Variants in ALG5 observed in about 807,000 individuals in gnomAD.
The protein encoded by ALG5 is ALG5 dolichyl-phosphate beta-glucosyltransferase, also known as dolichyl-phosphate beta-glucosyltransferase.
In ALG5, 26 loss-of-function variants were observed where a neutral mutation model predicts 51.8. The ratio of observed to expected loss-of-function variants is 0.50; its 90% CI spans 0.37 to 0.70. ALG5 has a LOEUF of 0.70. Among genes scored for constraint, ALG5 ranks in the 30% least tolerant of loss-of-function variants. The pLI, the probability that ALG5 is intolerant of heterozygous loss-of-function variation, is 0.00. For synonymous variants in ALG5, 141 were observed against 136.1 expected, an observed-to-expected ratio of 1.04 and a Z score of -0.25; for missense variants, 311 against 399.3, an observed-to-expected ratio of 0.78 and a Z score of 1.88.
chr13:36,994,251 A>T (rs2059038846), intron 3 of ALG5, among the ~76,000 whole-genome samples: 1 of 152,220 alleles, frequency 6.6e-6, no homozygotes, highest in Non-Finnish European at 1.5e-5. Flanking sequence ...AAGGTAATAC[A>T]GCCCTTTCTC....
At chr13:36,975,118 G>GTTATT (rs2058944349) in intron 6 of ALG5, among the ~76,000 whole-genome samples, 1 of 152,166 alleles carries the variant, frequency 6.6e-6, no homozygotes, top group Non-Finnish European at 1.5e-5. Context: ...GGTTGCGGCA[G>GTTATT]GAGAATTGCT....
intron 6 of ALG5, among the ~76,000 whole-genome samples, chr13:36,983,746 T>C (rs1017603634): frequency 1.1e-4 from 16 of 151,916 alleles, no homozygotes; most frequent in Non-Finnish European, 2.4e-4. Flanking sequence ...TTATATTAGT[T>C]GATTCACTTA....
chr13:36,963,553 G>A (rs979004021), intron 8 of ALG5, among the ~76,000 whole-genome samples: 5 of 152,018 alleles, frequency 3.3e-5, no homozygotes, highest in Admixed American at 6.6e-5. Flanking sequence ...TTCTAGAGTC[G>A]TTTCTTAAAT....
Position 36,949,745 on chromosome 13 carries a change from TTAAA to T in ALG5, c.*193_*196del, listed in dbSNP as rs2058810333. ...AACAAACAAAAGAAAATCTGACTTT[TTAAA>T]TAAACATCTTTTAAAAATCATTTAT... On this transcript the variant is annotated 3_prime_UTR_variant, in exon 10 of 10. Transcript: ENST00000239891. 4.7e-6 allele frequency: 2 copies of T among 422,780 alleles called. No homozygotes were observed. The highest frequency in any genetic ancestry group is 8.3e-6 in the Non-Finnish European group (2 of 241,102). The allele number at this position is 422,780 out of a possible 1,614,324, so 26.2% of individuals were successfully genotyped here.
At chr13:36,964,632 G>A (rs375716453) in intron 8 of ALG5, among the ~76,000 whole-genome samples, 7 of 152,124 alleles carry the variant, frequency 4.6e-5, no homozygotes, top group African/African-American at 1.7e-4. Context: ...TGACATAGAG[G>A]TGGCTAGATG....
At chr13:36,958,549 GA>G (rs1180003881) in intron 8 of ALG5, among the ~76,000 whole-genome samples, 6 of 152,132 alleles carry the variant, frequency 3.9e-5, no homozygotes, top group Non-Finnish European at 5.9e-5. Context: ...CCCTCCAGAG[GA>G]AATCTCAACT....
intron 6 of ALG5, among the ~76,000 whole-genome samples, chr13:36,984,057 T>C (rs1270716959): frequency 6.6e-6 from 1 of 152,016 alleles, no homozygotes; most frequent in African/African-American, 2.4e-5. Flanking sequence ...TAGTTTTACA[T>C]ATTCATCTTA....
intron 5 of ALG5, 38 bp downstream of exon 5, chr13:36,989,446 T>G: frequency 6.7e-7 from 1 of 1,500,700 alleles, no homozygotes; most frequent in South Asian, 1.2e-5. Context: ...TCAAGATACC[T>G]TCATATTTTA....
At chr13:36,991,161 T>C (rs957337190) in intron 4 of ALG5, among the ~76,000 whole-genome samples, 1 of 152,134 alleles carries the variant, frequency 6.6e-6, no homozygotes, top group Non-Finnish European at 1.5e-5. Context: ...TTCCAGACCA[T>C]ACCACGGTCT....
chr13:36,975,698 A>T (rs978687459), intron 6 of ALG5, among the ~76,000 whole-genome samples: 2 of 152,224 alleles, frequency 1.3e-5, no homozygotes, highest in African/African-American at 4.8e-5. Context: ...TAGAATACTA[A>T]GTTAAAAGTC....
intron 6 of ALG5, among the ~76,000 whole-genome samples, chr13:36,972,986 C>G (rs576353788): frequency 1.5e-5 from 1 of 66,896 alleles, no homozygotes; most frequent in South Asian, 8.8e-4. Flanking sequence ...AGCAAGACTC[C>G]GTCTCAAAAA....
Position 36,974,070 on chromosome 13 carries a change from C to T in ALG5, c.562-2034G>A, listed in dbSNP as rs566094364. Among the ~76,000 whole-genome samples, 7 of 152,224 alleles carry T rather than the reference C, an allele frequency of 4.6e-5. No homozygotes were observed. The South Asian group carries it at 6.2e-4, about 14-fold the overall frequency. On this transcript the variant is annotated intron_variant, in intron 6 of 9. Coordinates refer to ENST00000239891, the MANE Select transcript of ALG5 (RefSeq NM_013338.5). Reference sequence around the variant, plus strand: ...GAAGTAGCAAACCTGCATCTCCATCCGAAGGGACTGGCTATGAAGATGTGA... The same window carrying T: ...GAAGTAGCAAACCTGCATCTCCATCTGAAGGGACTGGCTATGAAGATGTGA...
chr13:36,964,871 G>A (rs993752622), intron 8 of ALG5, among the ~76,000 whole-genome samples: 5 of 150,156 alleles, frequency 3.3e-5, no homozygotes, highest in Admixed American at 2.0e-4. Flanking sequence ...GTTGCAGTGA[G>A]CTGAAATCCT....
chr13:36,992,591 G>A (rs1004777175), intron 4 of ALG5, among the ~76,000 whole-genome samples: 3 of 152,048 alleles, frequency 2.0e-5, no homozygotes, highest in African/African-American at 4.8e-5. Flanking sequence ...GCTGTCACTC[G>A]GCCACCATTT....
At chr13:36,989,437 C>A in intron 5 of ALG5, 47 bp downstream of exon 5, 1 of 1,445,054 alleles carries the variant, frequency 6.9e-7, no homozygotes, top group Non-Finnish European at 9.7e-7. Flanking sequence ...AGACATTATT[C>A]AAGATACCTT....
At chr13:36,957,646 C>A (rs1190699267) in intron 8 of ALG5, among the ~76,000 whole-genome samples, 1 of 152,130 alleles carries the variant, frequency 6.6e-6, no homozygotes, top group Non-Finnish European at 1.5e-5. Context: ...TACAGCCTTA[C>A]TAGGAATCCG....
chr13:36,992,563 T>G (rs1244424461), intron 4 of ALG5, among the ~76,000 whole-genome samples: 2 of 152,176 alleles, frequency 1.3e-5, no homozygotes, highest in African/African-American at 4.8e-5. Context: ...AGCATGGCCT[T>G]TAGTATACAG....
At chr13:36,965,780 A>G (rs750101509) in intron 7 of ALG5, 54 bp from the exon 8 acceptor site, 9 of 1,503,936 alleles carry the variant, frequency 6.0e-6, no homozygotes, top group Non-Finnish European at 7.3e-6. Flanking sequence ...TAAAGGAGAC[A>G]CTGAAAACAC....
chr13:36,970,146 C>T (rs533315267), intron 7 of ALG5, among the ~76,000 whole-genome samples: 53 of 151,612 alleles, frequency 3.5e-4, no homozygotes, highest in African/African-American at 1.3e-3. Context: ...TCTTATCCCC[C>T]GTGCGTTGTT....
Sources: allele counts gnomAD v4.1 joint callset (sites outside exome capture counted in the v4.1 genomes callset), GRCh38; gene constraint gnomAD v4.1.1; transcripts MANE v1.5; gene names NCBI Gene and HGNC (gene_info 2026-07-23, HGNC 2026-07-21).